The following FBXO4 variants were observed in gnomAD, a reference collection of about 807,000 sequenced individuals.
The protein encoded by FBXO4 is F-box only protein 4.
Under a neutral mutation model 43.7 loss-of-function variants are expected in FBXO4, and 36 were observed. That is an observed-to-expected ratio of 0.82 (90% CI 0.63 to 1.09). FBXO4 has a LOEUF of 1.09. Among genes scored for constraint, FBXO4 ranks in the 50% least tolerant of loss-of-function variants. The pLI, the probability that FBXO4 is intolerant of heterozygous loss-of-function variation, is 0.00. For synonymous variants in FBXO4, 180 were observed against 165.6 expected, an observed-to-expected ratio of 1.09 and a Z score of -0.67; for missense variants, 435 against 474.1, an observed-to-expected ratio of 0.92 and a Z score of 0.77.
At chr5:42,005,928 G>T in the FBXO4 span, among the ~76,000 whole-genome samples, 1 of 151,926 alleles carries the variant, frequency 6.6e-6, no homozygotes, top group African/African-American at 2.4e-5. Context: ...CCTTAGCCTG[G>T]ATCCTAAGGC....
At chr5:42,009,118 T>C in the FBXO4 span, among the ~76,000 whole-genome samples, 1 of 152,206 alleles carries the variant, frequency 6.6e-6, no homozygotes, top group Non-Finnish European at 1.5e-5. Flanking sequence ...ACAGAGGCAG[T>C]GCTTCAGGGC....
At chr5:42,013,450 T>G in the FBXO4 span, among the ~76,000 whole-genome samples, 1 of 152,212 alleles carries the variant, frequency 6.6e-6, no homozygotes, top group Admixed American at 6.5e-5. Context: ...TTGGCTAATA[T>G]TTTTATCAAG....
chr5:41,972,720 A>G, the FBXO4 span, among the ~76,000 whole-genome samples: 5 of 152,190 alleles, frequency 3.3e-5, no homozygotes, highest in Non-Finnish European at 5.9e-5. Context: ...CTGGTAAGAA[A>G]ATAGACACAT....
intron 5 of FBXO4, among the ~76,000 whole-genome samples, chr5:41,935,277 T>C (rs1379187345): frequency 6.6e-6 from 1 of 152,220 alleles, no homozygotes; most frequent in Non-Finnish European, 1.5e-5. Flanking sequence ...TATCAGCTTT[T>C]TCCCACTGGC....
At chr5:42,005,708 A>C in the FBXO4 span, among the ~76,000 whole-genome samples, 2,530 of 152,206 alleles carry the variant, frequency 0.017, 17 homozygotes, top group Non-Finnish European at 0.025. Context: ...GAAGTTGATC[A>C]AATCTGTGCT....
At chr5:41,984,847 T>A in the FBXO4 span, among the ~76,000 whole-genome samples, 1 of 152,162 alleles carries the variant, frequency 6.6e-6, no homozygotes, top group Non-Finnish European at 1.5e-5. Context: ...CCAGGGTTGA[T>A]GTGTTTCTGT....
the FBXO4 span, among the ~76,000 whole-genome samples, chr5:41,947,967 A>T: frequency 1.3e-5 from 2 of 152,180 alleles, no homozygotes; most frequent in Non-Finnish European, 2.9e-5. Flanking sequence ...GTGTTATTCA[A>T]TAGAACTCTC....
chr5:41,985,485 A>G, the FBXO4 span, among the ~76,000 whole-genome samples: 2 of 152,182 alleles, frequency 1.3e-5, no homozygotes, highest in Non-Finnish European at 2.9e-5. Flanking sequence ...TGGAATCTTT[A>G]TAATTACTAA....
chr5:41,943,987 C>T (rs1239722165), downstream of FBXO4, among the ~76,000 whole-genome samples: 2 of 152,160 alleles, frequency 1.3e-5, no homozygotes, highest in African/African-American at 4.8e-5. Context: ...GGAGAAAAGC[C>T]TCAGGAGAAA....
At chr5:41,987,366 TTAAA>T in the FBXO4 span, among the ~76,000 whole-genome samples, 1 of 152,122 alleles carries the variant, frequency 6.6e-6, no homozygotes, top group African/African-American at 2.4e-5. Context: ...ACCTGGGAAG[TTAAA>T]TAATTTTTCA....
chr5:42,031,158 T>C, the FBXO4 span, among the ~76,000 whole-genome samples: 18,201 of 151,224 alleles, frequency 0.12, 1,489 homozygotes, highest in African/African-American at 0.23. Context: ...CACATGCACA[T>C]GTATGTTTAT....
chr5:42,030,004 T>C, the FBXO4 span, among the ~76,000 whole-genome samples: 1 of 152,080 alleles, frequency 6.6e-6, no homozygotes. Flanking sequence ...GTGGGAAGAA[T>C]CAATATCGTG....
the FBXO4 span, among the ~76,000 whole-genome samples, chr5:42,040,085 G>C: frequency 6.6e-6 from 1 of 152,078 alleles, no homozygotes; most frequent in Non-Finnish European, 1.5e-5. Flanking sequence ...GCTGGACAGT[G>C]GGTGTTGTTT....
At chr5:41,957,121 A>C in the FBXO4 span, among the ~76,000 whole-genome samples, 9 of 152,076 alleles carry the variant, frequency 5.9e-5, no homozygotes, top group Non-Finnish European at 8.8e-5. Context: ...GATTTCATTC[A>C]ACTTCTAAGA....
At chr5:42,028,560 A>G in the FBXO4 span, among the ~76,000 whole-genome samples, 1 of 151,498 alleles carries the variant, frequency 6.6e-6, no homozygotes, top group Non-Finnish European at 1.5e-5. Context: ...TCCTCCTGCC[A>G]TTTTGCTATG....
the FBXO4 span, among the ~76,000 whole-genome samples, chr5:42,018,263 A>G: frequency 6.6e-6 from 1 of 151,788 alleles, no homozygotes; most frequent in South Asian, 2.1e-4. Flanking sequence ...GTTTCAGATT[A>G]GCAGTGAAAA....
At chr5:41,932,659 A>G (rs556137334) in intron 3 of FBXO4, among the ~76,000 whole-genome samples, 84 of 152,302 alleles carry the variant, frequency 5.5e-4, no homozygotes, top group African/African-American at 2.0e-3. Context: ...AATTCTTCCA[A>G]CTGATGTCAG....
downstream of FBXO4, among the ~76,000 whole-genome samples, chr5:41,944,337 TA>T (rs529198893): frequency 1.9e-4 from 29 of 152,360 alleles, no homozygotes; most frequent in East Asian, 5.4e-3. Flanking sequence ...ATAATTTTTC[TA>T]AATCATGACA....
At chr5:42,008,756 G>A in the FBXO4 span, among the ~76,000 whole-genome samples, 1 of 152,048 alleles carries the variant, frequency 6.6e-6, no homozygotes. Context: ...GTGATTCTTG[G>A]ATTTTTAGTA....
Sources: gnomAD v4.1 joint callset for allele counts (sites outside exome capture counted in the v4.1 genomes callset) on GRCh38, gnomAD v4.1.1 for gene constraint, MANE v1.5 for transcripts, NCBI Gene and HGNC (gene_info 2026-07-23, HGNC 2026-07-21) for gene names.